Variants in M6PR observed in about 807,000 individuals in gnomAD.
The protein encoded by M6PR is cation-dependent mannose-6-phosphate receptor.
In M6PR, 19 loss-of-function variants were observed where a neutral mutation model predicts 33.1. The ratio of observed to expected loss-of-function variants is 0.57; its 90% CI spans 0.40 to 0.84. M6PR has a LOEUF of 0.84. Among genes scored for constraint, M6PR ranks in the 40% least tolerant of loss-of-function variants. The pLI, the probability that M6PR is intolerant of heterozygous loss-of-function variation, is 0.00. For synonymous variants in M6PR, 111 were observed against 123.4 expected (o/e 0.90, Z 0.67); for missense variants, 295 against 336.0 (o/e 0.88, Z 0.95).
chr12:8,945,173 A>G, intron 3 of M6PR: 1 of 394,682 alleles, frequency 2.5e-6, no homozygotes, highest in Admixed American at 4.3e-5. Flanking sequence ...AAAACAAAAC[A>G]ATTCTGGCTA....
In M6PR at chr12:8,945,474, C is replaced by T. The variant is rs141476053; in HGVS notation, c.287G>A (p.Ser96Asn). Reference protein sequence around the residue: ...SGAGLVQINKSNGKETVVGRL... With the variant: ...SGAGLVQINKNNGKETVVGRL... ...CCCTACCACTGTCTCCTTCCCATTA[C>T]TTTTGTTGATTTGCACCAGGCCTGC... is the stretch of plus-strand genomic sequence containing the variant. Residue 96 changes from serine (S) to asparagine (N), a missense_variant, in exon 3 of 7, where the codon AGT becomes AAT. Ser to Asn is a conservative substitution (Grantham distance 46). Transcript: ENST00000000412. 1 of 1,614,108 alleles carries T rather than the reference C, an allele frequency of 6.2e-7. No individual in the cohort carries two copies. Among genetic ancestry groups the T allele is most frequent in the Non-Finnish European group, 8.5e-7 (1 of 1,180,014 alleles).
intron 3 of M6PR, among the ~76,000 whole-genome samples, chr12:8,944,777 A>G (rs1371497940): frequency 6.6e-6 from 1 of 152,216 alleles, no homozygotes; most frequent in African/African-American, 2.4e-5. Context: ...AATTTGATGA[A>G]AAGTGGTGGT....
chr12:8,946,564 G>C, intron 1 of M6PR, 159 bp from the exon 2 acceptor site: 1 of 539,798 alleles, frequency 1.9e-6, no homozygotes. Flanking sequence ...TAATATCTCT[G>C]TAACAAGAGC....
At chr12:8,942,195 A>C in intron 6 of M6PR, 1 of 686,980 alleles carries the variant, frequency 1.5e-6, no homozygotes, top group South Asian at 2.0e-5. Context: ...CATCTGGTCA[A>C]CAGTGTTGCT....
At chr12:8,942,132 C>G in intron 6 of M6PR, 192 bp from the exon 7 acceptor site, 1 of 703,830 alleles carries the variant, frequency 1.4e-6, no homozygotes, top group Non-Finnish European at 2.3e-6. Flanking sequence ...TATTAGGCCT[C>G]ACCTTCTTCC....
chr12:8,948,324 A>G lies in M6PR; in HGVS notation c.-2+1164T>C, dbSNP rs766397726. On this transcript the variant is annotated intron_variant, in intron 1 of 6. Coordinates refer to ENST00000000412, the MANE Select transcript of M6PR (RefSeq NM_002355.4). ...CTAGATTATGTTCATTCATCTTCAC[A>G]ACCCAGAAAATAGGTATAATTTTTC... Among the ~76,000 whole-genome samples the G allele has an allele frequency of 3.7e-4, 57 of 152,324 alleles. 1 individual carries two copies. The highest frequency in any genetic ancestry group is 1.2e-3 in the African/African-American group (48 of 41,574).
Position 8,949,386 on chromosome 12 carries a change from T to G in M6PR, c.-2+102A>C, listed in dbSNP as rs1420422664. ...AGGGCTCCTCAGCCAGATCTTTGGC[T>G]AGAACCATGGTCAAGGGAGAATGCG... On this transcript the variant is annotated intron_variant, in intron 1 of 6. Coordinates refer to ENST00000000412, the MANE Select transcript of M6PR (RefSeq NM_002355.4). This position sits in a 1 kb window ranked among gnomAD's most constrained non-coding sequence, Gnocchi z 5.6. The G allele has an allele frequency of 6.6e-6, 1 of 152,072 alleles. No homozygotes were observed. Among genetic ancestry groups the G allele is most frequent in the Non-Finnish European group, 1.5e-5 (1 of 68,102 alleles). The allele number at this position is 152,072 out of a possible 1,614,324, so 9.4% of individuals were successfully genotyped here. A position where few individuals can be genotyped will look rare whatever the true frequency, so the allele number is the denominator to read the frequency against.
Position 8,943,287 on chromosome 12 carries a change from C to T in M6PR, c.584+118G>A, listed in dbSNP as rs969621356. The stretch of plus-strand genomic sequence containing the variant: ...ATAGCCAGAGGATTTAAAAAGTTAT[C>T]CCCATCAATTACAGCATAATGTACA... On this transcript the variant is annotated intron_variant, in intron 5 of 6. Transcript: ENST00000000412. 6.7e-6 allele frequency: 8 copies of T among 1,185,760 alleles called. No individual in the cohort carries two copies. In the African/African-American group the frequency reaches 7.8e-5, roughly 12 times the overall value. 73.5% of individuals were successfully genotyped at this position (1,185,760 alleles called of 1,614,324 possible). A position where few individuals can be genotyped will look rare whatever the true frequency, so the allele number is the denominator to read the frequency against.
chr12:8,942,291 CT>C (rs1946025929), intron 6 of M6PR, 124 bp downstream of exon 6: 2 of 1,324,512 alleles, frequency 1.5e-6, no homozygotes, highest in Non-Finnish European at 1.1e-6. Flanking sequence ...TTTGCTGGGA[CT>C]TTTGTGGTTT....
intron 5 of M6PR, among the ~76,000 whole-genome samples, chr12:8,942,923 T>G (rs1013766429): frequency 2.0e-5 from 3 of 151,382 alleles, no homozygotes; most frequent in East Asian, 1.9e-4. Context: ...AAACATTAAA[T>G]CTCATTTTTC....
chr12:8,947,035 C>T (rs914849248), intron 1 of M6PR, among the ~76,000 whole-genome samples: 1 of 152,138 alleles, frequency 6.6e-6, no homozygotes, highest in African/African-American at 2.4e-5. Context: ...CATCTTCATA[C>T]CCAGGACAGA....
At chr12:8,943,375 G>A (rs1440553595) in intron 5 of M6PR, 30 bp downstream of exon 5, 4 of 1,613,536 alleles carry the variant, frequency 2.5e-6, no homozygotes, top group Admixed American at 3.3e-5. Flanking sequence ...AGGAAGGAAG[G>A]TCTGTTCTGA....
chr12:8,941,702 A>G lies in M6PR; in HGVS notation c.*116T>C, dbSNP rs1010622512. 9 of 1,317,360 alleles carry G rather than the reference A, an allele frequency of 6.8e-6. No homozygotes were observed. The highest frequency in any genetic ancestry group is 1.5e-5 in the African/African-American group (1 of 68,344). 81.6% of individuals were successfully genotyped at this position (1,317,360 alleles called of 1,614,324 possible). A position where few individuals can be genotyped will look rare whatever the true frequency, so the allele number is the denominator to read the frequency against. On this transcript the variant is annotated 3_prime_UTR_variant, in exon 7 of 7. Transcript: ENST00000000412. ...GATGCAAATCAAAAGCAAACTGGAA[A>G]GCAAGAGCAATAGTAAGGGTGAGAT...
chr12:8,947,652 C>T (rs1319109928), intron 1 of M6PR, among the ~76,000 whole-genome samples: 1 of 152,194 alleles, frequency 6.6e-6, no homozygotes, highest in East Asian at 1.9e-4. Flanking sequence ...TTAATCCTCA[C>T]AACCTTATGA....
At chr12:8,946,511 G>A in intron 1 of M6PR, 106 bp from the exon 2 acceptor site, 1 of 842,176 alleles carries the variant, frequency 1.2e-6, no homozygotes, top group Non-Finnish European at 1.9e-6. Flanking sequence ...TAATTATCCA[G>A]AAAGTACAAG....
rs1354439518 is a variant in M6PR at position 8,941,598 on chromosome 12, ACT to A, written c.*218_*219del. The A allele has an allele frequency of 1.9e-6, 1 of 528,432 alleles. No individual in the cohort carries two copies. The highest frequency in any genetic ancestry group is 3.3e-6 in the Non-Finnish European group (1 of 300,224). The allele number at this position is 528,432 out of a possible 1,614,324, so 32.7% of individuals were successfully genotyped here. A position where few individuals can be genotyped will look rare whatever the true frequency, so the allele number is the denominator to read the frequency against. On this transcript the variant is annotated 3_prime_UTR_variant, in exon 7 of 7. Coordinates refer to ENST00000000412, the MANE Select transcript of M6PR (RefSeq NM_002355.4). ...TGTTTTCACAGGCCCTATTATATTA[ACT>A]CTGACTTACAACTGTACCTCTCTAG... is the stretch of plus-strand genomic sequence containing the variant.
chr12:8,943,402 C>CA lies in M6PR; in HGVS notation c.584+2dup. ...CTGTTCTGATAAAGGAAGGCATACT[C>CA]ACGTGACAAGTAAGATGGAACCCAC... is the stretch of plus-strand genomic sequence containing the variant. On this transcript the variant is annotated splice_region_variant and intron_variant, in intron 5 of 6. Coordinates refer to ENST00000000412, the MANE Select transcript of M6PR (RefSeq NM_002355.4). 1.2e-6 allele frequency: 2 copies of CA among 1,614,132 alleles called. No individual in the cohort carries two copies. Among genetic ancestry groups the CA allele is most frequent in the Non-Finnish European group, 1.7e-6 (2 of 1,179,982 alleles).
chr12:8,945,597 G>A lies in M6PR; in HGVS notation c.177-13C>T, dbSNP rs1392698643. On this transcript the variant is annotated splice_polypyrimidine_tract_variant and intron_variant, in intron 2 of 6. Coordinates refer to ENST00000000412, the MANE Select transcript of M6PR (RefSeq NM_002355.4). ...AGTGCTCTCAAAGCTGTAAAGAGAA[G>A]TGGGAAGAAAGAAGAGGAGAGTTAC... The A allele has an allele frequency of 2.5e-6, 4 of 1,611,756 alleles. No individual in the cohort carries two copies. Among genetic ancestry groups the A allele is most frequent in the Admixed American group, 3.3e-5 (2 of 59,822 alleles).
intron 4 of M6PR, 45 bp downstream of exon 4, chr12:8,943,756 C>A: frequency 1.3e-6 from 2 of 1,543,224 alleles, no homozygotes; most frequent in Non-Finnish European, 1.8e-6. Context: ...TCAGGTCAGT[C>A]CTTTCAGTCT....
Sources: allele counts gnomAD v4.1 joint callset (sites outside exome capture counted in the v4.1 genomes callset), GRCh38; gene constraint gnomAD v4.1.1; non-coding constraint Gnocchi (gnomAD v3.1); transcripts MANE v1.5; gene names NCBI Gene and HGNC (gene_info 2026-07-23, HGNC 2026-07-21).